Variants in LYPLAL1 observed in about 807,000 individuals in gnomAD.
LYPLAL1 encodes lysophospholipase like 1, also known as lysophospholipase-like protein 1.
A neutral mutation model predicts 19.7 loss-of-function variants in LYPLAL1; 23 were observed. The ratio of observed to expected loss-of-function variants is 1.17; its 90% confidence interval spans 0.84 to 1.65. The LOEUF (loss-of-function observed/expected upper bound fraction) is 1.65, where lower values mean the gene tolerates loss of function less well. Among genes scored for constraint, LYPLAL1 ranks in the 40% most tolerant of loss-of-function variants. LYPLAL1 has a pLI of 0.00. For synonymous variants in LYPLAL1, 119 were observed against 96.3 expected, an observed-to-expected ratio of 1.24 and a Z score of -1.38; for missense variants, 355 against 279.4, an observed-to-expected ratio of 1.27 and a Z score of -1.93.
chr1:219,362,915 A>G, the LYPLAL1 span, among the ~76,000 whole-genome samples: 1 of 152,114 alleles, frequency 6.6e-6, no homozygotes, highest in Non-Finnish European at 1.5e-5. Context: ...TTGCTCAGGC[A>G]TGAGGTCAGG....
chr1:219,192,790 A>G (rs1453119600), intron 2 of LYPLAL1, among the ~76,000 whole-genome samples: 2 of 151,620 alleles, frequency 1.3e-5, no homozygotes, highest in Non-Finnish European at 3.0e-5. Flanking sequence ...GCATGAATAT[A>G]CAATGAATGG....
the LYPLAL1 span, among the ~76,000 whole-genome samples, chr1:219,332,668 G>A: frequency 4.6e-5 from 7 of 151,938 alleles, no homozygotes; most frequent in African/African-American, 1.7e-4. Flanking sequence ...TGGTAAAAAT[G>A]ATGAAGAGAA....
chr1:219,203,263 C>T (rs1287515288), intron 3 of LYPLAL1, among the ~76,000 whole-genome samples: 2 of 148,840 alleles, frequency 1.3e-5, no homozygotes, highest in Non-Finnish European at 3.0e-5. Flanking sequence ...ATTAGTGGTA[C>T]TTTGTTATGT....
the LYPLAL1 span, among the ~76,000 whole-genome samples, chr1:219,237,543 G>T: frequency 6.6e-6 from 1 of 152,146 alleles, no homozygotes; most frequent in East Asian, 1.9e-4. Flanking sequence ...TGGTGACTCC[G>T]TTTTGTATAG....
chr1:219,280,829 C>A, the LYPLAL1 span, among the ~76,000 whole-genome samples: 2 of 152,156 alleles, frequency 1.3e-5, no homozygotes, highest in African/African-American at 2.4e-5. Context: ...AGGCAAAATA[C>A]CCGAGGTCAG....
the LYPLAL1 span, among the ~76,000 whole-genome samples, chr1:219,377,186 T>C: frequency 2.0e-5 from 3 of 152,182 alleles, no homozygotes; most frequent in African/African-American, 4.8e-5. Context: ...TAATACAATA[T>C]GGGTAAATGA....
At chr1:219,401,655 G>A in the LYPLAL1 span, among the ~76,000 whole-genome samples, 1 of 151,962 alleles carries the variant, frequency 6.6e-6, no homozygotes, top group Non-Finnish European at 1.5e-5. Flanking sequence ...AACTCTTTTG[G>A]AAGGTATGCC....
chr1:219,409,307 G>C, the LYPLAL1 span, among the ~76,000 whole-genome samples: 2 of 151,922 alleles, frequency 1.3e-5, no homozygotes, highest in African/African-American at 4.8e-5. Context: ...AAATTAGCCG[G>C]GTGTGGTGGC....
intron 2 of LYPLAL1, among the ~76,000 whole-genome samples, chr1:219,187,200 T>C (rs1387149590): frequency 6.6e-6 from 1 of 151,752 alleles, no homozygotes; most frequent in African/African-American, 2.4e-5. Context: ...AGGAGAACAA[T>C]AGTTTATTGT....
chr1:219,356,653 G>A, the LYPLAL1 span, among the ~76,000 whole-genome samples: 3 of 152,138 alleles, frequency 2.0e-5, no homozygotes, highest in Non-Finnish European at 4.4e-5. Context: ...AGAAAATCCA[G>A]CCTCACAAAG....
the LYPLAL1 span, among the ~76,000 whole-genome samples, chr1:219,366,520 G>T: frequency 6.6e-6 from 1 of 152,106 alleles, no homozygotes; most frequent in Non-Finnish European, 1.5e-5. Context: ...TGTCTTCATT[G>T]TCTGGGATCC....
chr1:219,211,565 A>T lies in LYPLAL1; in HGVS notation c.551A>T (p.His184Leu). ...GGTACTGCAGATGAGTTAGTTCTTC[A>T]TTCTTGGGCAGAAGAGACAAACTCA... is the stretch of plus-strand genomic sequence containing the variant. ...CHGTADELVL[H>L]SWAEETNSML... The change falls in exon 5 of 5, where the codon CAT (histidine) becomes CTT (leucine). Residue 184 changes from histidine (H) to leucine (L), a missense_variant. By Grantham distance (99) the His-to-Leu change is moderately conservative (BLOSUM62 -3). Transcript: ENST00000366928. The T allele has an allele frequency of 6.2e-7, 1 of 1,613,360 alleles. No individual in the cohort carries two copies. The highest frequency in any genetic ancestry group is 8.5e-7 in the Non-Finnish European group (1 of 1,179,490).
the LYPLAL1 span, among the ~76,000 whole-genome samples, chr1:219,275,759 T>G: frequency 6.6e-6 from 1 of 152,000 alleles, no homozygotes; most frequent in South Asian, 2.1e-4. Context: ...GTAAATATAT[T>G]GTAAAATTTA....
chr1:219,189,904 T>C (rs1464730139), intron 2 of LYPLAL1, among the ~76,000 whole-genome samples: 6 of 151,616 alleles, frequency 4.0e-5, no homozygotes, highest in Non-Finnish European at 8.9e-5. Flanking sequence ...TGCCTGAGAA[T>C]AGCTAGGACA....
the LYPLAL1 span, among the ~76,000 whole-genome samples, chr1:219,229,337 G>C: frequency 1.2e-4 from 15 of 129,988 alleles, no homozygotes; most frequent in African/African-American, 3.4e-4. Context: ...GAGAGAGAGA[G>C]ACACGCAGGC....
the LYPLAL1 span, among the ~76,000 whole-genome samples, chr1:219,295,347 C>T: frequency 2.0e-5 from 3 of 152,120 alleles, no homozygotes; most frequent in Non-Finnish European, 1.5e-5. Flanking sequence ...CTTCATACCA[C>T]CCACCTCCTC....
At chr1:219,420,602 A>AT in the LYPLAL1 span, among the ~76,000 whole-genome samples, 37 of 150,304 alleles carry the variant, frequency 2.5e-4, no homozygotes, top group African/African-American at 4.1e-4. Flanking sequence ...ACATAGCCTA[A>AT]TTTTTTTTTT....
the LYPLAL1 span, among the ~76,000 whole-genome samples, chr1:219,410,517 C>T: frequency 6.6e-6 from 1 of 152,248 alleles, no homozygotes; most frequent in African/African-American, 2.4e-5. Flanking sequence ...CGCTTGCTCT[C>T]AGCACCTCCC....
the LYPLAL1 span, among the ~76,000 whole-genome samples, chr1:219,403,409 C>T: frequency 6.6e-6 from 1 of 152,092 alleles, no homozygotes; most frequent in Non-Finnish European, 1.5e-5. Flanking sequence ...GGTAGGATAT[C>T]CTGACTGAAT....
Sources: gnomAD v4.1 joint callset for allele counts (sites outside exome capture counted in the v4.1 genomes callset) on GRCh38, gnomAD v4.1.1 for gene constraint, MANE v1.5 for transcripts, NCBI Gene and HGNC (gene_info 2026-07-23, HGNC 2026-07-21) for gene names.